Variants in DNAI7 observed in about 807,000 individuals in gnomAD.
The protein encoded by DNAI7 is cancer susceptibility 1.
A neutral mutation model predicts 86.6 loss-of-function variants in DNAI7; 78 were observed. The observed-to-expected ratio is 0.90, with a 90% CI of 0.75 to 1.09. DNAI7 has a LOEUF of 1.09. Ranked by LOEUF, DNAI7 falls within the 50% of genes least tolerant of loss-of-function variation. DNAI7 has a pLI of 0.00. For synonymous variants in DNAI7, 274 were observed against 273.0 expected, an observed-to-expected ratio of 1.00 and a Z score of -0.04; for missense variants, 753 against 810.2, an observed-to-expected ratio of 0.93 and a Z score of 0.86.
chr12:25,184,504 G>C (rs1251584265), intron 2 of DNAI7, among the ~76,000 whole-genome samples: 1 of 151,962 alleles, frequency 6.6e-6, no homozygotes, highest in Non-Finnish European at 1.5e-5. Flanking sequence ...ACCAAATTTT[G>C]TTTATTGATT....
intron 2 of DNAI7, among the ~76,000 whole-genome samples, chr12:25,166,205 A>G (rs1592568766): frequency 6.6e-6 from 1 of 152,174 alleles, no homozygotes; most frequent in Non-Finnish European, 1.5e-5. Flanking sequence ...ATGGCCTTTT[A>G]AAGCCTATAA....
intron 1 of DNAI7, 180 bp downstream of exon 1, chr12:25,194,896 G>C: frequency 6.2e-7 from 1 of 1,614,066 alleles, no homozygotes; most frequent in Middle Eastern, 1.7e-4. Context: ...CTGTCCGCCT[G>C]GTCCAGGTAA....
chr12:25,165,121 G>A (rs1305357503), intron 2 of DNAI7, among the ~76,000 whole-genome samples: 1 of 152,040 alleles, frequency 6.6e-6, no homozygotes, highest in African/African-American at 2.4e-5. Context: ...ACCCTAAAAG[G>A]TCAAAAGGCC....
chr12:25,108,915 T>G (rs1268053843), intron 15 of DNAI7, 92 bp from the exon 16 acceptor site: 1 of 772,350 alleles, frequency 1.3e-6, no homozygotes, highest in Non-Finnish European at 1.9e-6. Context: ...GCTCAATTTA[T>G]CCCCCAAAAT....
chr12:25,147,219 G>T, intron 7 of DNAI7, 115 bp from the exon 8 acceptor site: 1 of 564,148 alleles, frequency 1.8e-6, no homozygotes, highest in Non-Finnish European at 3.1e-6. Flanking sequence ...ACCTAAGAGA[G>T]TAACTTGGGT....
chr12:25,177,469 G>T (rs1228306200), intron 2 of DNAI7, among the ~76,000 whole-genome samples: 2 of 152,114 alleles, frequency 1.3e-5, no homozygotes, highest in African/African-American at 4.8e-5. Flanking sequence ...ATTATGGTTT[G>T]CAAAATTCAT....
rs141303180 is a variant in DNAI7, at chr12:25,157,159, T to A, written c.198+1313A>T. Among the ~76,000 whole-genome samples the A allele has an allele frequency of 6.2e-3, 940 of 151,294 alleles. 10 individuals carry two copies. The highest frequency in any genetic ancestry group is 0.021 in the African/African-American group (879 of 41,158). The stretch of plus-strand genomic sequence containing the variant: ...CAGGCGCAGTGGCGGGTGCCTGTAG[T>A]CCCAGCTACTCGGGAGGCTGAGGCA... On this transcript the variant is annotated intron_variant, in intron 4 of 15. Coordinates refer to ENST00000395987, the MANE Select transcript of DNAI7 (RefSeq NM_018272.5).
intron 2 of DNAI7, among the ~76,000 whole-genome samples, chr12:25,175,742 C>T (rs1948887647): frequency 6.6e-6 from 1 of 152,122 alleles, no homozygotes; most frequent in Non-Finnish European, 1.5e-5. Flanking sequence ...TAAAATAAAA[C>T]TTTCACAGTA....
chr12:25,111,696 T>A lies in DNAI7; in HGVS notation c.1779+76A>T, dbSNP rs1025070276. ...TATATAAAATACAGTGTATATAATA[T>A]TAAATTATATAACATTTAATAATTG... On this transcript the variant is annotated intron_variant, in intron 14 of 15. Transcript: ENST00000395987. 3 of 831,806 alleles carry A rather than the reference T, an allele frequency of 3.6e-6. No individual in the cohort carries two copies. The African/African-American group carries it at 5.4e-5, about 15-fold the overall frequency. 51.5% of individuals were successfully genotyped at this position (831,806 alleles called of 1,614,324 possible).
chr12:25,115,764 T>C (rs1036089099), intron 12 of DNAI7, among the ~76,000 whole-genome samples: 2 of 152,226 alleles, frequency 1.3e-5, no homozygotes, highest in African/African-American at 4.8e-5. Context: ...GGCAGTTTCT[T>C]TGAAAGTTAA....
At chr12:25,112,877 A>C (rs1423884302) in intron 13 of DNAI7, among the ~76,000 whole-genome samples, 1 of 152,244 alleles carries the variant, frequency 6.6e-6, no homozygotes, top group Non-Finnish European at 1.5e-5. Context: ...GCTAATTTGG[A>C]CTAGTCACAT....
chr12:25,118,580 C>T (rs1046716224), intron 12 of DNAI7, among the ~76,000 whole-genome samples: 4 of 151,294 alleles, frequency 2.6e-5, no homozygotes, highest in Non-Finnish European at 5.9e-5. Flanking sequence ...TTTTTTGAGA[C>T]AGACAGAGTC....
At chr12:25,189,063 T>C (rs1387719844) in intron 2 of DNAI7, among the ~76,000 whole-genome samples, 2 of 152,222 alleles carry the variant, frequency 1.3e-5, no homozygotes, top group Non-Finnish European at 2.9e-5. Flanking sequence ...CTCAATGGTA[T>C]TTCTTGAAGA....
At position 25,155,293 on chromosome 12, in the gene DNAI7, A is replaced by AAG; in HGVS notation, c.300+16_300+17dup. ...GTGGTGACAAAGGTATTAGCTAAAA[A>AAG]AGAGAAATCAGTCCTACCTGAGAAA... On this transcript the variant is annotated intron_variant, in intron 5 of 15. Coordinates refer to ENST00000395987, the MANE Select transcript of DNAI7 (RefSeq NM_018272.5). The AAG allele has an allele frequency of 7.1e-7, 1 of 1,416,282 alleles. No homozygotes were observed. The highest frequency in any genetic ancestry group is 9.9e-7 in the Non-Finnish European group (1 of 1,012,724). The allele number at this position is 1,416,282 out of a possible 1,614,324, so 87.7% of individuals were successfully genotyped here. A position where few individuals can be genotyped will look rare whatever the true frequency, so the allele number is the denominator to read the frequency against.
intron 7 of DNAI7, among the ~76,000 whole-genome samples, chr12:25,147,483 C>CCCA (rs765651980): frequency 6.0e-5 from 9 of 150,242 alleles, no homozygotes; most frequent in Middle Eastern, 3.5e-3. Flanking sequence ...GAGACCACCC[C>CCCA]CATCTCTACA....
intron 2 of DNAI7, among the ~76,000 whole-genome samples, chr12:25,169,811 G>C (rs375441162): frequency 6.2e-5 from 9 of 144,612 alleles, no homozygotes; most frequent in African/African-American, 2.4e-4. Context: ...TCACACCACT[G>C]TACTCCAGCC....
chr12:25,158,739 T>C (rs766065137), intron 3 of DNAI7, 176 bp from the exon 4 acceptor site: 19 of 1,436,050 alleles, frequency 1.3e-5, no homozygotes, highest in Non-Finnish European at 1.7e-5. Flanking sequence ...AGACAGTAAC[T>C]ACAAGAAAAA....
intron 1 of DNAI7, 84 bp downstream of exon 1, chr12:25,194,992 T>G (rs1180950842): frequency 6.2e-7 from 1 of 1,614,008 alleles, no homozygotes; most frequent in Non-Finnish European, 8.5e-7. Context: ...AAAATATGAC[T>G]GGCTCTTGAT....
intron 9 of DNAI7, 39 bp from the exon 10 acceptor site, chr12:25,123,325 G>A (rs1339382713): frequency 4.5e-6 from 6 of 1,343,730 alleles, no homozygotes; most frequent in Non-Finnish European, 6.3e-6. Flanking sequence ...GATTGTCAGT[G>A]TCTACATAGT....
Sources: allele counts gnomAD v4.1 joint callset (sites outside exome capture counted in the v4.1 genomes callset), GRCh38; gene constraint gnomAD v4.1.1; transcripts MANE v1.5; gene names NCBI Gene and HGNC (gene_info 2026-07-23, HGNC 2026-07-21).